PRRC2A: variants seen among roughly 807,000 people sequenced by gnomAD.
PRRC2A encodes protein PRRC2A.
PRRC2A carries 59 observed loss-of-function variants against 224.6 expected under a neutral mutation model. The ratio of observed to expected loss-of-function variants is 0.26; its 90% confidence interval spans 0.21 to 0.33. The LOEUF (loss-of-function observed/expected upper bound fraction) is 0.33. Ranked by LOEUF, PRRC2A falls within the 10% of genes least tolerant of loss-of-function variation. The pLI is 1.00. For synonymous variants in PRRC2A, 1,194 were observed against 1,109.5 expected (o/e 1.08, Z -1.51); for missense variants, 3,095 against 2,880.7 (o/e 1.07, Z -1.70).
Position 31,624,454 on chromosome 6 carries a change from C to A in PRRC2A, c.395C>A (p.Thr132Asn), listed in dbSNP as rs1486446636. The change falls in exon 5 of 31, where the codon ACT (threonine) becomes AAT (asparagine). Residue 132 changes from threonine (T) to asparagine (N), a missense_variant. Around this residue, in one of 8 missense-constraint regions of PRRC2A, gnomAD observed 287 missense variants for 275.3 expected, o/e 1.04. Transcript: ENST00000376033. ...TCTTTCTGAACACTTCCCCAGAACACTCCTTTGGTTCCAAGCGGGGTAAAG... is the reference window on the plus strand; with the variant it reads ...TCTTTCTGAACACTTCCCCAGAACAATCCTTTGGTTCCAAGCGGGGTAAAG... The part of the protein sequence containing the change: ...PKRPPAAPEN[T>N]PLVPSGVKSW... 6.2e-7 allele frequency: 1 copy of A among 1,613,384 alleles called. No homozygotes were observed. The highest frequency in any genetic ancestry group is 8.5e-7 in the Non-Finnish European group (1 of 1,179,392).
In PRRC2A at chr6:31,631,908, C is replaced by A. The variant is rs1377861225; in HGVS notation, c.3235C>A (p.Pro1079Thr). The A allele has an allele frequency of 1.2e-6, 2 of 1,612,214 alleles. No individual in the cohort carries two copies. The highest frequency in any genetic ancestry group is 1.7e-6 in the Non-Finnish European group (2 of 1,179,792). ...AGGGGGACCAAACCACCCTCCTGCTCCCCGAGGCCGCACTGCCAGCGAGAC... is the reference window on the plus strand; with the variant it reads ...AGGGGGACCAAACCACCCTCCTGCTACCCGAGGCCGCACTGCCAGCGAGAC... ...GTGGPNHPPA[P>T]RGRTASETRS... is the part of the protein sequence containing the mutation. The change falls in exon 16 of 31, where the codon CCC becomes ACC. Residue 1079 changes from proline to threonine, a missense_variant. Transcript: ENST00000376033. The surrounding 1 kb of genome is among the most constrained non-coding windows in gnomAD (Gnocchi z 4.5).
Position 31,633,642 on chromosome 6 carries a change from G to C in PRRC2A, c.4583G>C (p.Ser1528Thr), listed in dbSNP as rs1204847544. The C allele has an allele frequency of 4.4e-6, 7 of 1,609,008 alleles. No individual in the cohort carries two copies. Among genetic ancestry groups the C allele is most frequent in the Non-Finnish European group, 5.9e-6 (7 of 1,177,560 alleles). ...YEPQRVNSGLSSDPHFEEPGP... is the reference protein window; with the variant it reads ...YEPQRVNSGLTSDPHFEEPGP... ...CCCCAGAGGGTCAACAGCGGCCTCA[G>C]TTCTGGTAAGCTGGAGGGGTTATGG... Residue 1528 changes from serine to threonine, a missense_variant, in exon 17 of 31, where the codon AGT becomes ACT. By Grantham distance (58) the Ser-to-Thr change is moderately conservative (BLOSUM62 1). Around this residue, in one of 8 missense-constraint regions of PRRC2A, gnomAD observed 2,001 missense variants for 1,764.9 expected, o/e 1.13. Transcript: ENST00000376033.
Position 31,629,136 on chromosome 6 carries a change from C to T in PRRC2A, c.1766-8C>T, listed in dbSNP as rs547596765. ...CTAGATCACTCTGTTGTGTTTTTTC[C>T]GATGCAGTGGAACCACAACTGCCCT... On this transcript the variant is annotated splice_region_variant and splice_polypyrimidine_tract_variant and intron_variant, in intron 12 of 30. Coordinates refer to ENST00000376033, the MANE Select transcript of PRRC2A (RefSeq NM_004638.4). The T allele has an allele frequency of 2.2e-5, 35 of 1,613,384 alleles. No homozygotes were observed. Among genetic ancestry groups the T allele is most frequent in the South Asian group, 2.1e-4 (19 of 91,030 alleles).
chr6:31,626,926 T>C, intron 10 of PRRC2A, 56 bp from the exon 11 acceptor site: 1 of 1,607,890 alleles, frequency 6.2e-7, no homozygotes, highest in Non-Finnish European at 8.5e-7. Context: ...TAATATACTC[T>C]TAGAGGAGTA....
rs778102588 is a variant in PRRC2A at position 31,632,999 on chromosome 6, A to G, written c.4319+7A>G. The G allele has an allele frequency of 6.5e-7, 1 of 1,530,566 alleles. No homozygotes were observed. The highest frequency in any genetic ancestry group is 8.8e-7 in the Non-Finnish European group (1 of 1,141,152). The allele number at this position is 1,530,566 out of a possible 1,614,324, so 94.8% of individuals were successfully genotyped here. A position where few individuals can be genotyped will look rare whatever the true frequency, so the allele number is the denominator to read the frequency against. ...CCTCTCCCAAGAACCGAAGGTGGGTAGGAACAAACAAATTTATTGTGGTTT... is the reference window on the plus strand; with the variant it reads ...CCTCTCCCAAGAACCGAAGGTGGGTGGGAACAAACAAATTTATTGTGGTTT... On this transcript the variant is annotated splice_region_variant and intron_variant, in intron 16 of 30. Coordinates refer to ENST00000376033, the MANE Select transcript of PRRC2A (RefSeq NM_004638.4).
intron 16 of PRRC2A, 142 bp from the exon 17 acceptor site, chr6:31,633,237 C>T (rs1406078598): frequency 1.1e-5 from 14 of 1,250,092 alleles, no homozygotes; most frequent in South Asian, 1.4e-5. Context: ...CATCTGTATG[C>T]ATAGGAATCC....
Position 31,623,718 on chromosome 6 carries a change from G to A in PRRC2A, c.113-14G>A, listed in dbSNP as rs377361357. On this transcript the variant is annotated splice_polypyrimidine_tract_variant and intron_variant, in intron 2 of 30. Coordinates refer to ENST00000376033, the MANE Select transcript of PRRC2A (RefSeq NM_004638.4). ...ATGAGGCATTTTCGACCCTCTCTCCGTCTTGTTCTCCAGTTGCCCCTCGCC... is the reference window on the plus strand; with the variant it reads ...ATGAGGCATTTTCGACCCTCTCTCCATCTTGTTCTCCAGTTGCCCCTCGCC... 1.7e-5 allele frequency: 28 copies of A among 1,613,518 alleles called. No homozygotes were observed. Among genetic ancestry groups the A allele is most frequent in the East Asian group, 1.6e-4 (7 of 44,900 alleles).
rs778214818 is a variant in PRRC2A at position 31,630,808 on chromosome 6, C to G, written c.2465+7C>G. On this transcript the variant is annotated splice_region_variant and intron_variant, in intron 15 of 30. Coordinates refer to ENST00000376033, the MANE Select transcript of PRRC2A (RefSeq NM_004638.4). The stretch of plus-strand genomic sequence containing the variant: ...AGGATGACAAGGGGATGAGGTGAGT[C>G]TTGGTCATGAGAAATGGGTGAGTTC... 17 of 1,613,578 alleles carry G rather than the reference C, an allele frequency of 1.1e-5. No homozygotes were observed. Among genetic ancestry groups the G allele is most frequent in the Non-Finnish European group, 1.4e-5 (17 of 1,179,770 alleles).
Position 31,629,727 on chromosome 6 carries a change from A to G in PRRC2A, c.2136A>G (p.Pro712=). ...ALYPGALGRP[P]PMPPMNFDPR... ...ACCCAGGTGCTCTGGGCCGGCCCCC[A>G]CCCATGCCCCCAATGAACTTTGATC... Residue 712 remains proline (P), a synonymous_variant, in exon 14 of 31, where the codon CCA becomes CCG. Transcript: ENST00000376033. 1 of 1,473,420 alleles carries G rather than the reference A, an allele frequency of 6.8e-7. No homozygotes were observed. Among genetic ancestry groups the G allele is most frequent in the Non-Finnish European group, 9.2e-7 (1 of 1,090,818 alleles). 91.3% of individuals were successfully genotyped at this position (1,473,420 alleles called of 1,614,324 possible). A position where few individuals can be genotyped will look rare whatever the true frequency, so the allele number is the denominator to read the frequency against.
In PRRC2A at chr6:31,634,296, CCTCAGGCAGAGTCCAGAGATACAGGCA is replaced by C; in HGVS notation, c.4782_4808del (p.Gln1595_Thr1603del). ...GGGCTCTAAGCCTGAGGGCCCAGGC[CCTCAGGCAGAGTCCAGAGATACAGGCA>C]CAGAGGCCCTGACCCCTCACATCTG... On this transcript the variant is annotated inframe_deletion, in exon 19 of 31. Coordinates refer to ENST00000376033, the MANE Select transcript of PRRC2A (RefSeq NM_004638.4). The C allele has an allele frequency of 6.2e-7, 1 of 1,612,074 alleles. No individual in the cohort carries two copies. Among genetic ancestry groups the C allele is most frequent in the Non-Finnish European group, 8.5e-7 (1 of 1,179,818 alleles).
At chr6:31,628,355 T>TG in intron 12 of PRRC2A, 116 bp downstream of exon 12, 1 of 1,430,836 alleles carries the variant, frequency 7.0e-7, no homozygotes, top group East Asian at 2.5e-5. Flanking sequence ...TTTGGTTTAT[T>TG]GGACTATCAG....
Position 31,632,101 on chromosome 6 carries a change from G to A in PRRC2A, c.3428G>A (p.Gly1143Glu). The change falls in exon 16 of 31, where the codon GGA becomes GAA. Residue 1143 changes from glycine to glutamate, a missense_variant. Around this residue, in one of 8 missense-constraint regions of PRRC2A, gnomAD observed 2,001 missense variants for 1,764.9 expected, o/e 1.13. Coordinates refer to ENST00000376033, the MANE Select transcript of PRRC2A (RefSeq NM_004638.4). ...GTCCCTCTCGCTCCCCCACCACCAG[G>A]AGCCCCACCTTCACCAGCCCCAGCC... ...TQVPLAPPPP[G>E]APPSPAPARF... The A allele has an allele frequency of 6.4e-7, 1 of 1,551,438 alleles. No individual in the cohort carries two copies. The highest frequency in any genetic ancestry group is 8.7e-7 in the Non-Finnish European group (1 of 1,148,064).
rs543054701 is a variant in PRRC2A at position 31,635,517 on chromosome 6, T to G, written c.5373+52T>G. 8.7e-6 allele frequency: 14 copies of G among 1,611,702 alleles called. No homozygotes were observed. In the South Asian group the frequency reaches 1.4e-4, roughly 16 times the overall value. ...AAGGCCCAAGATTTCTGGGGAAGATTGCTGGGAGTGACCAGGGCGTCCAGG... is the reference window on the plus strand; with the variant it reads ...AAGGCCCAAGATTTCTGGGGAAGATGGCTGGGAGTGACCAGGGCGTCCAGG... On this transcript the variant is annotated intron_variant, in intron 23 of 30. Transcript: ENST00000376033.
intron 24 of PRRC2A, 44 bp downstream of exon 24, chr6:31,635,793 A>G: frequency 6.5e-7 from 1 of 1,535,722 alleles, no homozygotes; most frequent in Non-Finnish European, 8.8e-7. Context: ...GTGAATAATA[A>G]TTTTTTTCTG....
At position 31,634,996 on chromosome 6, in the gene PRRC2A, A is replaced by G. The variant is rs757282694; in HGVS notation, c.5160+19A>G. ...CAGAAAGGTAAAAGACCAAAAAAGGATAAGGGGAATGTTTCCAGGAATCTG... is the reference window on the plus strand; with the variant it reads ...CAGAAAGGTAAAAGACCAAAAAAGGGTAAGGGGAATGTTTCCAGGAATCTG... On this transcript the variant is annotated intron_variant, in intron 21 of 30. Coordinates refer to ENST00000376033, the MANE Select transcript of PRRC2A (RefSeq NM_004638.4). 12 of 1,608,044 alleles carry G rather than the reference A, an allele frequency of 7.5e-6. No individual in the cohort carries two copies. The highest frequency in any genetic ancestry group is 2.7e-5 in the African/African-American group (2 of 74,734).
chr6:31,622,795 C>A lies in PRRC2A; in HGVS notation c.6C>A (p.Ser2=). The change falls in exon 2 of 31, where the codon TCC becomes TCA. Residue 2 remains serine, a synonymous_variant. Coordinates refer to ENST00000376033, the MANE Select transcript of PRRC2A (RefSeq NM_004638.4). M[S]DRSGPTAKGK... ...CTCAATGAGCTTCCAGCGCAATGTC[C>A]GATCGCTCGGGGCCGACTGCCAAGG... 1 of 1,612,510 alleles carries A rather than the reference C, an allele frequency of 6.2e-7. No homozygotes were observed. Among genetic ancestry groups the A allele is most frequent in the Non-Finnish European group, 8.5e-7 (1 of 1,179,568 alleles).
At chr6:31,635,310 G>T (rs1164702445) in intron 22 of PRRC2A, 38 bp downstream of exon 22, 1 of 1,613,524 alleles carries the variant, frequency 6.2e-7, no homozygotes, top group African/African-American at 1.3e-5. Context: ...TGAGTTGGGT[G>T]GAGAGAAGGG....
In PRRC2A at chr6:31,634,789, G is replaced by A; in HGVS notation, c.4972G>A (p.Asp1658Asn). The change falls in exon 21 of 31, where the codon GAT (aspartate) becomes AAT (asparagine). Residue 1658 changes from aspartate to asparagine, a missense_variant. Coordinates refer to ENST00000376033, the MANE Select transcript of PRRC2A (RefSeq NM_004638.4). ...QSDSGVDLSG[D>N]SQVSSGPCSQ... ...TGACAGTGGGGTGGACCTGAGTGGGGATTCTCAGGTGTCATCAGGTCCCTG... is the reference window on the plus strand; with the variant it reads ...TGACAGTGGGGTGGACCTGAGTGGGAATTCTCAGGTGTCATCAGGTCCCTG... The A allele has an allele frequency of 6.2e-7, 1 of 1,612,750 alleles. No individual in the cohort carries two copies. Among genetic ancestry groups the A allele is most frequent in the Non-Finnish European group, 8.5e-7 (1 of 1,179,972 alleles).
intron 10 of PRRC2A, 23 bp downstream of exon 10, chr6:31,626,885 G>A: frequency 1.2e-6 from 2 of 1,612,538 alleles, no homozygotes; most frequent in Non-Finnish European, 1.7e-6. Flanking sequence ...CATCAGGGGA[G>A]AAGAGGAGGG....
Sources: gnomAD v4.1 joint callset for allele counts on GRCh38, gnomAD v4.1.1 for gene constraint, gnomAD v4.1.1 regional missense constraint, Gnocchi (gnomAD v3.1) non-coding constraint, MANE v1.5 for transcripts, NCBI Gene and HGNC (gene_info 2026-07-23, HGNC 2026-07-21) for gene names.